Variants in PTPRD observed in about 807,000 individuals in gnomAD.
PTPRD encodes receptor-type tyrosine-protein phosphatase delta.
PTPRD carries 34 observed loss-of-function variants against 214.5 expected under a neutral mutation model. The observed-to-expected ratio is 0.16, with a 90% CI of 0.12 to 0.21. The LOEUF (loss-of-function observed/expected upper bound fraction) is 0.21. Among genes scored for constraint, PTPRD ranks in the 10% least tolerant of loss-of-function variants. The pLI is 1.00. For synonymous variants in PTPRD, 1,128 were observed against 845.7 expected, an observed-to-expected ratio of 1.33 and a Z score of -5.79; for missense variants, 2,545 against 2,398.7, an observed-to-expected ratio of 1.06 and a Z score of -1.27.
chr9:9,270,789 G>A (rs1942549988), intron 9 of PTPRD, among the ~76,000 whole-genome samples: 1 of 151,364 alleles, frequency 6.6e-6, no homozygotes, highest in Non-Finnish European at 1.5e-5. Flanking sequence ...GTTTGGTCTA[G>A]CTAGGCAGCA....
In PTPRD at chr9:9,867,531, G is replaced by A. The variant is rs532711669; in HGVS notation, c.-368+70976C>T. On this transcript the variant is annotated intron_variant, in intron 5 of 45. Transcript: ENST00000381196. The stretch of plus-strand genomic sequence containing the variant: ...ATATTAATAAAGGAAGAATCTCAGA[G>A]GAACTGAGATTCAAAATAATTTCCT... 1.7e-3 allele frequency among the ~76,000 whole-genome samples: 261 copies of A among 152,034 alleles called. 1 individual carries two copies. The highest frequency in any genetic ancestry group is 6.1e-3 in the African/African-American group (254 of 41,480).
At chr9:9,909,316 A>C (rs1430803454) in intron 5 of PTPRD, among the ~76,000 whole-genome samples, 1 of 138,192 alleles carries the variant, frequency 7.2e-6, no homozygotes, top group East Asian at 2.4e-4. Context: ...TTAATCTGAA[A>C]GTTTTTTTTT....
intron 3 of PTPRD, among the ~76,000 whole-genome samples, chr9:10,204,351 G>A (rs967580242): frequency 2.6e-5 from 4 of 152,070 alleles, no homozygotes; most frequent in African/African-American, 9.7e-5. Context: ...TATAATACTA[G>A]AGAATAGCTT....
chr9:10,219,123 CT>C (rs1368651017), intron 3 of PTPRD, among the ~76,000 whole-genome samples: 2 of 151,758 alleles, frequency 1.3e-5, no homozygotes, highest in Non-Finnish European at 2.9e-5. Flanking sequence ...TTAGAAAGGA[CT>C]GACGGGGGAT....
intron 11 of PTPRD, among the ~76,000 whole-genome samples, chr9:8,843,752 T>A (rs571930308): frequency 1.3e-5 from 2 of 152,262 alleles, no homozygotes; most frequent in East Asian, 3.9e-4. Flanking sequence ...GGGATCTTCC[T>A]CCCTCAAAGA....
intron 25 of PTPRD, 118 bp downstream of exon 25, chr9:8,499,529 C>G: frequency 1.9e-6 from 2 of 1,039,426 alleles, no homozygotes; most frequent in Non-Finnish European, 2.7e-6. Flanking sequence ...GAAATGAAAA[C>G]TAGAATTTTG....
intron 3 of PTPRD, among the ~76,000 whole-genome samples, chr9:10,063,503 G>A (rs984376957): frequency 6.6e-6 from 1 of 151,984 alleles, no homozygotes; most frequent in East Asian, 1.9e-4. Context: ...TACCTAGTTG[G>A]TAAACCTTGG....
intron 9 of PTPRD, among the ~76,000 whole-genome samples, chr9:9,349,826 C>T (rs956339553): frequency 2.8e-4 from 43 of 151,948 alleles, no homozygotes; most frequent in Admixed American, 7.9e-4. Flanking sequence ...CTGCATTTCT[C>T]ATATACTAGC....
At chr9:8,411,784 G>C (rs1006785855) in intron 35 of PTPRD, among the ~76,000 whole-genome samples, 2 of 152,204 alleles carry the variant, frequency 1.3e-5, no homozygotes, top group Non-Finnish European at 2.9e-5. Flanking sequence ...TAATAAGAAA[G>C]AGATGGACAG....
At chr9:9,467,726 T>C (rs972730832) in intron 8 of PTPRD, among the ~76,000 whole-genome samples, 1 of 152,120 alleles carries the variant, frequency 6.6e-6, no homozygotes, top group African/African-American at 2.4e-5. Flanking sequence ...TAGTTTATCT[T>C]TTAAAAAGTT....
chr9:8,830,299 G>C (rs2097262119), intron 11 of PTPRD, among the ~76,000 whole-genome samples: 1 of 152,058 alleles, frequency 6.6e-6, no homozygotes, highest in Admixed American at 6.6e-5. Flanking sequence ...TCTACAGCTT[G>C]CTTAGTATAA....
chr9:9,471,758 G>C (rs1437327822), intron 8 of PTPRD, among the ~76,000 whole-genome samples: 1 of 134,892 alleles, frequency 7.4e-6, no homozygotes, highest in Non-Finnish European at 1.6e-5. Flanking sequence ...AGGCTAATTA[G>C]AATGCACTTT....
intron 14 of PTPRD, among the ~76,000 whole-genome samples, chr9:8,582,171 G>A (rs114735685): frequency 6.6e-6 from 1 of 152,064 alleles, no homozygotes; most frequent in African/African-American, 2.4e-5. Flanking sequence ...TTTCACATCA[G>A]GAGAGAAAGG....
intron 11 of PTPRD, among the ~76,000 whole-genome samples, chr9:8,742,329 A>AT (rs1192869659): frequency 6.6e-6 from 1 of 152,132 alleles, no homozygotes; most frequent in African/African-American, 2.4e-5. Context: ...GCTAATTGAC[A>AT]TATGCATTAC....
In PTPRD at chr9:9,849,123, A is replaced by G. The variant is rs544047489; in HGVS notation, c.-367-82272T>C. 2.6e-5 allele frequency among the ~76,000 whole-genome samples: 4 copies of G among 152,008 alleles called. No homozygotes were observed. The East Asian group carries it at 7.8e-4, about 30-fold the overall frequency. Reference sequence around the variant, plus strand: ...ACACAGGGTGGTCACTTAAAAAATAAAGTTGTTGATTTACTTTCCGTTCAA... The same window carrying G: ...ACACAGGGTGGTCACTTAAAAAATAGAGTTGTTGATTTACTTTCCGTTCAA... On this transcript the variant is annotated intron_variant, in intron 5 of 45. Transcript: ENST00000381196.
At chr9:10,270,416 T>A (rs1414861226) in intron 3 of PTPRD, among the ~76,000 whole-genome samples, 1 of 152,166 alleles carries the variant, frequency 6.6e-6, no homozygotes, top group Non-Finnish European at 1.5e-5. Flanking sequence ...TTTCAAAGAG[T>A]TTGAAAGCAA....
intron 11 of PTPRD, among the ~76,000 whole-genome samples, chr9:9,010,850 C>T (rs962650527): frequency 1.3e-5 from 2 of 152,152 alleles, no homozygotes; most frequent in Non-Finnish European, 2.9e-5. Flanking sequence ...ATCATTTTTA[C>T]ATGTGAGATG....
chr9:9,957,175 C>T (rs2093994046), intron 4 of PTPRD, among the ~76,000 whole-genome samples: 1 of 152,096 alleles, frequency 6.6e-6, no homozygotes, highest in South Asian at 2.1e-4. Context: ...TATATATAAA[C>T]AGACACAAAA....
At chr9:9,652,548 A>T (rs1369227363) in intron 7 of PTPRD, among the ~76,000 whole-genome samples, 1 of 152,034 alleles carries the variant, frequency 6.6e-6, no homozygotes, top group Non-Finnish European at 1.5e-5. Flanking sequence ...AGATTGTGAA[A>T]TCCTTCAGGA....
Sources: gnomAD v4.1 joint callset for allele counts (sites outside exome capture counted in the v4.1 genomes callset) on GRCh38, gnomAD v4.1.1 for gene constraint, MANE v1.5 for transcripts, NCBI Gene and HGNC (gene_info 2026-07-23, HGNC 2026-07-21) for gene names.